Variants in CSNK2A2IP observed in about 807,000 individuals in gnomAD.
CSNK2A2IP encodes casein kinase II subunit alpha'-interacting protein.
chr3:88,446,050 C>T, the CSNK2A2IP span, among the ~76,000 whole-genome samples: 2 of 73,472 alleles, frequency 2.7e-5, no homozygotes, highest in Non-Finnish European at 6.0e-5. Flanking sequence ...TTCTTTCTTT[C>T]TTTCTTTCTT....
the CSNK2A2IP span, among the ~76,000 whole-genome samples, chr3:88,456,452 G>C: frequency 1.2e-4 from 18 of 151,840 alleles, no homozygotes; most frequent in African/African-American, 4.3e-4. Flanking sequence ...TCTGTTTCAT[G>C]CTATTGTAAA....
At chr3:88,424,910 G>C in the CSNK2A2IP span, among the ~76,000 whole-genome samples, 98 of 151,518 alleles carry the variant, frequency 6.5e-4, 2 homozygotes, top group East Asian at 0.015. Flanking sequence ...GAATAATATT[G>C]ACAGCCTAAG....
chr3:88,363,775 A>C, the CSNK2A2IP span, among the ~76,000 whole-genome samples: 8 of 152,198 alleles, frequency 5.3e-5, no homozygotes, highest in African/African-American at 1.9e-4. Flanking sequence ...CTATAAGTTA[A>C]TTTTTCCTCA....
At chr3:88,457,185 T>C in the CSNK2A2IP span, among the ~76,000 whole-genome samples, 437 of 152,292 alleles carry the variant, frequency 2.9e-3, 2 homozygotes, top group African/African-American at 9.8e-3. Context: ...GAATATTCTG[T>C]TTCCTTAATT....
At chr3:88,405,157 G>A in the CSNK2A2IP span, among the ~76,000 whole-genome samples, 15,728 of 152,068 alleles carry the variant, frequency 0.1, 982 homozygotes, top group East Asian at 0.23. Flanking sequence ...ATTTGGAGTC[G>A]AGTCCAATCT....
the CSNK2A2IP span, among the ~76,000 whole-genome samples, chr3:88,451,025 C>G: frequency 6.6e-6 from 1 of 152,050 alleles, no homozygotes; most frequent in Non-Finnish European, 1.5e-5. Flanking sequence ...AATCTTTTGA[C>G]TTTTTGATAA....
chr3:88,421,970 ACAG>A, the CSNK2A2IP span, among the ~76,000 whole-genome samples: 2 of 152,158 alleles, frequency 1.3e-5, no homozygotes, highest in Admixed American at 6.5e-5. Flanking sequence ...ATTTAATAAC[ACAG>A]CTACACTATG....
chr3:88,418,918 A>G, the CSNK2A2IP span, among the ~76,000 whole-genome samples: 3 of 152,132 alleles, frequency 2.0e-5, no homozygotes, highest in Admixed American at 2.0e-4. Flanking sequence ...TCACGTTACC[A>G]CCTGAGCTCT....
the CSNK2A2IP span, among the ~76,000 whole-genome samples, chr3:88,417,763 T>C: frequency 6.6e-6 from 1 of 152,186 alleles, no homozygotes; most frequent in African/African-American, 2.4e-5. Context: ...ATCAGCTCTT[T>C]CTTTTTTCTA....
At chr3:88,465,349 C>A in the CSNK2A2IP span, 1 of 1,231,146 alleles carries the variant, frequency 8.1e-7, no homozygotes. Flanking sequence ...ACCTCTACTA[C>A]AACACAAGAT....
chr3:88,405,292 A>G, the CSNK2A2IP span, among the ~76,000 whole-genome samples: 2 of 152,058 alleles, frequency 1.3e-5, no homozygotes, highest in African/African-American at 2.4e-5. Context: ...CTTTAACAGG[A>G]TCTATGCTTT....
At chr3:88,381,762 A>T in the CSNK2A2IP span, among the ~76,000 whole-genome samples, 1 of 152,316 alleles carries the variant, frequency 6.6e-6, no homozygotes, top group East Asian at 1.9e-4. Flanking sequence ...CAGGTGTGAG[A>T]TTCCTATAAG....
At chr3:88,385,414 G>A in the CSNK2A2IP span, among the ~76,000 whole-genome samples, 1 of 152,140 alleles carries the variant, frequency 6.6e-6, no homozygotes, top group Non-Finnish European at 1.5e-5. Flanking sequence ...AGGAATGTAA[G>A]TTATGCTGGG....
the CSNK2A2IP span, among the ~76,000 whole-genome samples, chr3:88,365,240 C>A: frequency 6.6e-6 from 1 of 152,172 alleles, no homozygotes; most frequent in Non-Finnish European, 1.5e-5. Context: ...AGGGAAAGAA[C>A]AGCTTTGAGT....
the CSNK2A2IP span, chr3:88,467,043 A>C: frequency 9.5e-7 from 1 of 1,056,662 alleles, no homozygotes; most frequent in Non-Finnish European, 1.2e-6. Context: ...TTTTCCCCAC[A>C]TCTGAACGGG....
At chr3:88,398,989 G>A in the CSNK2A2IP span, among the ~76,000 whole-genome samples, 1 of 151,972 alleles carries the variant, frequency 6.6e-6, no homozygotes, top group East Asian at 1.9e-4. Flanking sequence ...TAACTATCTT[G>A]GGTTTAAGGA....
the CSNK2A2IP span, among the ~76,000 whole-genome samples, chr3:88,395,290 A>G: frequency 7.9e-5 from 12 of 152,204 alleles, no homozygotes; most frequent in Middle Eastern, 0.01. Context: ...TTTTTTCTAA[A>G]AGTTTATAGT....
the CSNK2A2IP span, chr3:88,399,879 T>C: frequency 6.6e-6 from 1 of 152,202 alleles, no homozygotes; most frequent in Non-Finnish European, 1.5e-5. Context: ...CCTTGAGGCA[T>C]AGAACTGACC....
chr3:88,424,744 G>C, the CSNK2A2IP span, among the ~76,000 whole-genome samples: 1 of 151,982 alleles, frequency 6.6e-6, no homozygotes, highest in Non-Finnish European at 1.5e-5. Flanking sequence ...CTGTGAAAAA[G>C]TAATGTCTGC....
Sources: allele counts gnomAD v4.1 joint callset (sites outside exome capture counted in the v4.1 genomes callset), GRCh38; gene constraint gnomAD v4.1.1; transcripts MANE v1.5; gene names NCBI Gene and HGNC (gene_info 2026-07-23, HGNC 2026-07-21).